The following FHIT variants were observed in gnomAD, a reference collection of about 807,000 sequenced individuals.
FHIT encodes the protein fragile histidine triad diadenosine triphosphatase.
Under a neutral mutation model 17.9 loss-of-function variants are expected in FHIT, and 19 were observed. The ratio of observed to expected loss-of-function variants is 1.06; its 90% confidence interval spans 0.74 to 1.56. The LOEUF is 1.56. FHIT is among the 40% of genes most tolerant of loss of function. The probability of loss-of-function intolerance (pLI) is 0.00; values close to 1 mark genes in which losing one functional copy is unlikely to be tolerated. For synonymous variants in FHIT, 81 were observed against 69.7 expected (o/e 1.16, Z -0.81); for missense variants, 248 against 189.2 (o/e 1.31, Z -1.82).
chr3:60,580,279 C>A lies in FHIT; in HGVS notation c.-17-43300G>T, dbSNP rs192503480. Among the ~76,000 whole-genome samples, 11 of 152,230 alleles carry A rather than the reference C, an allele frequency of 7.2e-5. 1 individual carries two copies. The highest frequency in any genetic ancestry group is 2.6e-4 in the African/African-American group (11 of 41,556). The stretch of plus-strand genomic sequence containing the variant: ...TCAGTGGTCACGTTAATGACAACTT[C>A]ACTCCCAAGTACTACATGCCCTGTT... On this transcript the variant is annotated intron_variant, in intron 4 of 9. Coordinates refer to ENST00000492590, the MANE Select transcript of FHIT (RefSeq NM_002012.4).
chr3:60,526,942 T>C (rs2035597448), intron 5 of FHIT, among the ~76,000 whole-genome samples: 1 of 152,158 alleles, frequency 6.6e-6, no homozygotes, highest in Non-Finnish European at 1.5e-5. Context: ...ATTTCAACTG[T>C]CGATCTTTGT....
intron 3 of FHIT, among the ~76,000 whole-genome samples, chr3:60,824,674 G>A (rs1702050621): frequency 6.6e-6 from 1 of 152,140 alleles, no homozygotes; most frequent in South Asian, 2.1e-4. Context: ...GAGGAACCTG[G>A]TGGGAGGTAA....
chr3:60,195,561 T>TTTATATATATA (rs1702596950), intron 5 of FHIT, among the ~76,000 whole-genome samples: 1 of 21,194 alleles, frequency 4.7e-5, no homozygotes, highest in Non-Finnish European at 7.3e-5. Flanking sequence ...ATATATATAT[T>TTTATATATATA]TATATTTATA....
chr3:59,774,691 C>T (rs1220654896), intron 8 of FHIT, among the ~76,000 whole-genome samples: 1 of 152,204 alleles, frequency 6.6e-6, no homozygotes, highest in African/African-American at 2.4e-5. Context: ...AAATTAAAGA[C>T]CTAGGAGAGT....
intron 5 of FHIT, among the ~76,000 whole-genome samples, chr3:60,059,828 G>A (rs537043580): frequency 6.6e-6 from 1 of 152,142 alleles, no homozygotes; most frequent in Non-Finnish European, 1.5e-5. Context: ...TTGTAGCTTT[G>A]CAATAAGTTT....
chr3:60,056,063 T>A (rs111488707), intron 5 of FHIT, among the ~76,000 whole-genome samples: 5 of 152,226 alleles, frequency 3.3e-5, no homozygotes, highest in African/African-American at 9.6e-5. Flanking sequence ...CACACTGTCA[T>A]TCTTCTGGAA....
intron 5 of FHIT, among the ~76,000 whole-genome samples, chr3:60,254,444 A>C (rs1705880920): frequency 6.6e-6 from 1 of 152,186 alleles, no homozygotes; most frequent in South Asian, 2.1e-4. Flanking sequence ...CGCACAGCAG[A>C]GACAAGAAGG....
At chr3:60,973,240 G>T (rs76269671) in intron 3 of FHIT, among the ~76,000 whole-genome samples, 1 of 152,070 alleles carries the variant, frequency 6.6e-6, no homozygotes, top group African/African-American at 2.4e-5. Context: ...TCCAGTTGAG[G>T]CTGGTATATT....
At chr3:60,152,515 C>T (rs548773341) in intron 5 of FHIT, among the ~76,000 whole-genome samples, 13 of 152,262 alleles carry the variant, frequency 8.5e-5, no homozygotes, top group Non-Finnish European at 7.3e-5. Context: ...TATATTTCTG[C>T]CACAGGGAGT....
Position 60,803,908 on chromosome 3 carries a change from AC to A in FHIT, c.-18+18010del, listed in dbSNP as rs1451933566. Among the ~76,000 whole-genome samples the A allele has an allele frequency of 5.3e-5, 8 of 152,068 alleles. 1 individual carries two copies. The highest frequency in any genetic ancestry group is 2.6e-4 in the Admixed American group (4 of 15,272). ...CAAATTAGCATGGTCCATTTTAAAAACTTGCTTTTATTTAAAGACTGATTCA... is the reference window on the plus strand; with the variant it reads ...CAAATTAGCATGGTCCATTTTAAAAATTGCTTTTATTTAAAGACTGATTCA... On this transcript the variant is annotated intron_variant, in intron 4 of 9. Transcript: ENST00000492590.
chr3:60,124,802 A>G (rs9311751), intron 5 of FHIT, among the ~76,000 whole-genome samples: 70,249 of 151,970 alleles, frequency 0.46, 16,637 homozygotes, highest in Non-Finnish European at 0.49. Context: ...ATGTGCCACT[A>G]TTACTGACTC....
intron 5 of FHIT, among the ~76,000 whole-genome samples, chr3:60,093,660 G>T (rs146514092): frequency 2.0e-5 from 3 of 152,284 alleles, no homozygotes; most frequent in African/African-American, 7.2e-5. Flanking sequence ...CTTCCTATCA[G>T]ATCAGCAGCA....
chr3:59,754,696 C>T (rs995777746), intron 8 of FHIT, among the ~76,000 whole-genome samples: 5 of 152,262 alleles, frequency 3.3e-5, no homozygotes, highest in Non-Finnish European at 7.4e-5. Flanking sequence ...ATTAGGCAAC[C>T]GTCTGTTATT....
intron 5 of FHIT, among the ~76,000 whole-genome samples, chr3:60,160,563 C>A (rs1234453686): frequency 6.6e-6 from 1 of 152,164 alleles, no homozygotes; most frequent in Non-Finnish European, 1.5e-5. Flanking sequence ...CAAGCTGGAG[C>A]CCTTAGTTGA....
chr3:60,888,487 T>C (rs1355921988), intron 3 of FHIT, among the ~76,000 whole-genome samples: 2 of 151,882 alleles, frequency 1.3e-5, no homozygotes, highest in Non-Finnish European at 2.9e-5. Flanking sequence ...AGATCCCTTT[T>C]AAATTTTCTT....
intron 5 of FHIT, among the ~76,000 whole-genome samples, chr3:60,208,578 A>C (rs1267683844): frequency 6.6e-6 from 1 of 152,230 alleles, no homozygotes; most frequent in Non-Finnish European, 1.5e-5. Flanking sequence ...GTCCCATGTT[A>C]GGAACCAACT....
chr3:60,192,360 T>C (rs934396085), intron 5 of FHIT, among the ~76,000 whole-genome samples: 9 of 151,670 alleles, frequency 5.9e-5, no homozygotes, highest in African/African-American at 2.2e-4. Flanking sequence ...CAAATGCAGA[T>C]GTAGGTTTAG....
At chr3:59,795,318 A>G (rs1445716918) in intron 8 of FHIT, among the ~76,000 whole-genome samples, 1 of 151,648 alleles carries the variant, frequency 6.6e-6, no homozygotes, top group African/African-American at 2.4e-5. Context: ...CTGGAGGCAG[A>G]GGCTGCAGTG....
intron 8 of FHIT, among the ~76,000 whole-genome samples, chr3:59,877,879 T>C (rs1483291525): frequency 1.3e-5 from 2 of 152,210 alleles, no homozygotes; most frequent in African/African-American, 2.4e-5. Context: ...TAACCATGAA[T>C]GGTGAGTCAG....
Sources: allele counts gnomAD v4.1 joint callset (sites outside exome capture counted in the v4.1 genomes callset), GRCh38; gene constraint gnomAD v4.1.1; transcripts MANE v1.5; gene names NCBI Gene and HGNC (gene_info 2026-07-23, HGNC 2026-07-21).